Variants in KLHL1 observed in about 807,000 individuals in gnomAD.
KLHL1 encodes the protein kelch-like protein 1.
KLHL1 carries 47 observed loss-of-function variants against 77.7 expected under a neutral mutation model. The observed-to-expected ratio is 0.60, with a 90% CI of 0.48 to 0.77. The LOEUF is 0.77. Among genes scored for constraint, KLHL1 ranks in the 30% least tolerant of loss-of-function variants. The pLI is 0.00. For synonymous variants in KLHL1, 360 were observed against 325.2 expected (o/e 1.11, Z -1.15); for missense variants, 925 against 910.8 (o/e 1.02, Z -0.20).
At chr13:70,024,610 G>A (rs1885885408) in intron 1 of KLHL1, among the ~76,000 whole-genome samples, 1 of 85,754 alleles carries the variant, frequency 1.2e-5, no homozygotes, top group African/African-American at 3.0e-5. Context: ...TAGGGGTGAG[G>A]AGAAAAGATT....
At chr13:69,946,347 C>G (rs1444855984) in intron 3 of KLHL1, among the ~76,000 whole-genome samples, 1 of 151,686 alleles carries the variant, frequency 6.6e-6, no homozygotes, top group Non-Finnish European at 1.5e-5. Context: ...ATCAATAAAG[C>G]TTTAAAAAAG....
At chr13:70,027,849 G>A (rs1356601956) in intron 1 of KLHL1, among the ~76,000 whole-genome samples, 3 of 151,914 alleles carry the variant, frequency 2.0e-5, no homozygotes, top group East Asian at 1.9e-4. Flanking sequence ...AATTGGTTCT[G>A]GAGCCACTCC....
rs146500842 is a variant in KLHL1 at position 69,866,839 on chromosome 13, G to A, written c.1227+15444C>T. ...AATTTAGAGGTAATAAGAGGGCTTC[G>A]TAATTCAGAACACCACATGTTTTGT... On this transcript the variant is annotated intron_variant, in intron 5 of 10. Transcript: ENST00000377844. Among the ~76,000 whole-genome samples, 306 of 152,186 alleles carry A rather than the reference G, an allele frequency of 2.0e-3. 2 individuals are homozygous for A. The highest frequency in any genetic ancestry group is 6.8e-3 in the African/African-American group (284 of 41,556).
chr13:69,972,928 A>C (rs1884433490), intron 2 of KLHL1, among the ~76,000 whole-genome samples: 1 of 151,946 alleles, frequency 6.6e-6, no homozygotes, highest in Non-Finnish European at 1.5e-5. Context: ...ACCTATAAAA[A>C]ATTTTTGATG....
At chr13:70,057,300 C>T (rs1463446936) in intron 1 of KLHL1, among the ~76,000 whole-genome samples, 1 of 151,884 alleles carries the variant, frequency 6.6e-6, no homozygotes, top group East Asian at 1.9e-4. Context: ...AAATGTTTCC[C>T]AGCAAATAAA....
chr13:69,994,688 G>A (rs1885107224), intron 1 of KLHL1, among the ~76,000 whole-genome samples: 1 of 152,044 alleles, frequency 6.6e-6, no homozygotes, highest in Non-Finnish European at 1.5e-5. Context: ...GAATTGGTAT[G>A]GTTCTACTTA....
rs71116981 is a variant in KLHL1 at position 70,033,604 on chromosome 13, CTTTTTTTTTTTTTTTT to C, written c.498-57818_498-57803del. Among the ~76,000 whole-genome samples, 7 of 47,186 alleles carry C rather than the reference CTTTTTTTTTTTTTTTT, an allele frequency of 1.5e-4. No homozygotes were observed. In the East Asian group the frequency reaches 2.9e-3, roughly 19 times the overall value. The allele number at this position is 47,186 out of a possible 152,430, so 31.0% of individuals were successfully genotyped here. On this transcript the variant is annotated intron_variant, in intron 1 of 10. Transcript: ENST00000377844. The stretch of plus-strand genomic sequence containing the variant: ...TACAGGTGTGAGTCACCGCAACTGG[CTTTTTTTTTTTTTTTT>C]TTTTTTTTTTTTTTTTTGAGACAGA...
intron 7 of KLHL1, among the ~76,000 whole-genome samples, chr13:69,744,640 C>T (rs1450423753): frequency 6.6e-6 from 1 of 151,674 alleles, no homozygotes; most frequent in African/African-American, 2.4e-5. Context: ...ACCTCTCATG[C>T]AACTTCCCGA....
intron 5 of KLHL1, among the ~76,000 whole-genome samples, chr13:69,854,931 T>C (rs1202244968): frequency 6.6e-6 from 1 of 151,974 alleles, no homozygotes; most frequent in Non-Finnish European, 1.5e-5. Context: ...CAACTGGAAA[T>C]ATTGGAAATA....
At chr13:70,002,885 A>T (rs1885330336) in intron 1 of KLHL1, among the ~76,000 whole-genome samples, 1 of 151,682 alleles carries the variant, frequency 6.6e-6, no homozygotes, top group African/African-American at 2.4e-5. Context: ...CAAATTCCAG[A>T]TGTCCAAAAG....
chr13:70,072,838 G>A (rs1027564210), intron 1 of KLHL1, among the ~76,000 whole-genome samples: 4 of 151,936 alleles, frequency 2.6e-5, no homozygotes, highest in Admixed American at 2.0e-4. Flanking sequence ...ACTACACCTA[G>A]GATCATACTA....
At chr13:69,835,874 GA>G (rs1878966609) in intron 6 of KLHL1, among the ~76,000 whole-genome samples, 2 of 151,928 alleles carry the variant, frequency 1.3e-5, no homozygotes, top group Admixed American at 1.3e-4. Flanking sequence ...ATATAAATCT[GA>G]AAAAATTCAA....
At chr13:69,979,997 A>G (rs796497271) in intron 1 of KLHL1, among the ~76,000 whole-genome samples, 4 of 152,266 alleles carry the variant, frequency 2.6e-5, no homozygotes, top group African/African-American at 9.6e-5. Context: ...CATCTAACGG[A>G]ACTACTCTTG....
intron 1 of KLHL1, among the ~76,000 whole-genome samples, chr13:70,097,699 T>C (rs186397426): frequency 1.0e-3 from 158 of 152,042 alleles, no homozygotes; most frequent in Non-Finnish European, 1.8e-3. Flanking sequence ...TATATGTATT[T>C]TACTATCACA....
intron 1 of KLHL1, among the ~76,000 whole-genome samples, chr13:70,013,089 A>G (rs902104297): frequency 3.9e-5 from 6 of 152,136 alleles, no homozygotes; most frequent in African/African-American, 1.4e-4. Context: ...ACATTTAAAA[A>G]TATCGGGGAA....
intron 10 of KLHL1, among the ~76,000 whole-genome samples, chr13:69,705,642 T>C (rs1049926909): frequency 1.3e-5 from 2 of 151,680 alleles, no homozygotes; most frequent in African/African-American, 4.8e-5. Context: ...CTTAAAAATA[T>C]AAATAATGAG....
At chr13:69,998,155 A>T (rs1029935276) in intron 1 of KLHL1, among the ~76,000 whole-genome samples, 5 of 152,068 alleles carry the variant, frequency 3.3e-5, no homozygotes, top group Admixed American at 2.0e-4. Flanking sequence ...CAATAAGCTC[A>T]CTGGTCTACC....
In KLHL1 at chr13:69,992,438, T is replaced by G. The variant is rs1215526579; in HGVS notation, c.498-16636A>C. Among the ~76,000 whole-genome samples, 3 of 151,972 alleles carry G rather than the reference T, an allele frequency of 2.0e-5. No individual in the cohort carries two copies. In the Admixed American group the frequency reaches 2.0e-4, roughly 10 times the overall value. On this transcript the variant is annotated intron_variant, in intron 1 of 10. Transcript: ENST00000377844. ...AGAAAGGAAGCTGAACCACCTGAAT[T>G]TGCATACAGATTGTATAAATAGAAG...
intron 7 of KLHL1, among the ~76,000 whole-genome samples, chr13:69,775,995 C>CAA (rs112106421): frequency 3.3e-3 from 478 of 144,780 alleles, no homozygotes; most frequent in African/African-American, 6.3e-3. Flanking sequence ...TACTAAAATA[C>CAA]AAAAAAAAAA....
Sources: allele counts gnomAD v4.1 joint callset (sites outside exome capture counted in the v4.1 genomes callset), GRCh38; gene constraint gnomAD v4.1.1; transcripts MANE v1.5; gene names NCBI Gene and HGNC (gene_info 2026-07-23, HGNC 2026-07-21).